Variants in FANCB observed in about 807,000 individuals in gnomAD.
FANCB encodes the protein FA complementation group B, also known as Fanconi anemia group B protein.
A neutral mutation model predicts 38.9 loss-of-function variants in FANCB; 5 were observed. The observed-to-expected ratio is 0.13, with a 90% confidence interval of 0.07 to 0.27. The LOEUF (loss-of-function observed/expected upper bound fraction) is 0.27. Among genes scored for constraint, FANCB ranks in the 10% least tolerant of loss-of-function variants. The pLI is 1.00. For missense variants in FANCB, 573 were observed against 602.7 expected (o/e 0.95, Z 0.52); for synonymous variants, 236 against 215.4 (o/e 1.10, Z -0.84).
chrX:14,701,387 T>C, the FANCB span, among the ~76,000 whole-genome samples: 2 of 110,938 alleles, frequency 1.8e-5, no homozygotes, highest in Non-Finnish European at 3.8e-5. Context: ...AACCCCTGGT[T>C]CAAAAACAAT....
the FANCB span, among the ~76,000 whole-genome samples, chrX:14,705,596 A>T: frequency 1.2e-4 from 13 of 112,482 alleles, no homozygotes; most frequent in Non-Finnish European, 1.9e-5. Flanking sequence ...TTATGAATAA[A>T]GATGTCACTC....
the FANCB span, among the ~76,000 whole-genome samples, chrX:14,741,508 C>T: frequency 9.0e-6 from 1 of 111,430 alleles, no homozygotes; most frequent in South Asian, 3.8e-4. Flanking sequence ...GAATAAATCG[C>T]CCCAGCTAGT....
the FANCB span, among the ~76,000 whole-genome samples, chrX:14,762,778 C>A: frequency 1.8e-5 from 2 of 112,576 alleles, no homozygotes; most frequent in African/African-American, 6.4e-5. Context: ...AAGATCAAAT[C>A]TTTTTGTGGT....
At chrX:14,725,948 T>C in the FANCB span, among the ~76,000 whole-genome samples, 1 of 112,434 alleles carries the variant, frequency 8.9e-6, no homozygotes, top group Non-Finnish European at 1.9e-5. Flanking sequence ...ATTTAACTAA[T>C]CAGTGAATAA....
the FANCB span, among the ~76,000 whole-genome samples, chrX:14,714,167 G>T: frequency 2.7e-5 from 3 of 110,062 alleles, no homozygotes; most frequent in Admixed American, 3.0e-4. Context: ...TAGGTGTAGG[G>T]GAGGCTAGAA....
the FANCB span, among the ~76,000 whole-genome samples, chrX:14,714,322 A>G: frequency 9.0e-6 from 1 of 111,179 alleles, no homozygotes. Context: ...ACTGGCATCT[A>G]GTGGGTAAAG....
At chrX:14,858,294 C>T (rs1182354930) in intron 4 of FANCB, among the ~76,000 whole-genome samples, 2 of 109,700 alleles carry the variant, frequency 1.8e-5, no homozygotes, top group African/African-American at 3.3e-5. Context: ...ACTTGGGAGG[C>T]TGAGGCAGGA....
chrX:14,811,080 A>G, the FANCB span, among the ~76,000 whole-genome samples: 3 of 111,015 alleles, frequency 2.7e-5, no homozygotes, highest in Non-Finnish European at 5.7e-5. Context: ...TTCATAAGTG[A>G]AGGAGAAATA....
rs2092463459 is a variant in FANCB, at chrX:14,865,074, T to C, written c.437A>G (p.His146Arg). The C allele has an allele frequency of 3.3e-6, 4 of 1,208,687 alleles. No individual in the cohort carries two copies. The highest frequency in any genetic ancestry group is 4.5e-6 in the Non-Finnish European group (4 of 894,626). ...VLNGPLILWR[H>R]VKAFFFISSQ... ...AGAGATAAAGAAGAATGCTTTGACA[T>C]GCCTCCATAAAATTAAAGGGCCATT... The change falls in exon 3 of 10, where the codon CAT becomes CGT. Residue 146 changes from histidine to arginine, a missense_variant. Physicochemically the swap from His to Arg is conservative, Grantham distance 29 (BLOSUM62 0). Coordinates refer to ENST00000650831, the MANE Select transcript of FANCB (RefSeq NM_001018113.3).
At chrX:14,826,201 C>T in the FANCB span, among the ~76,000 whole-genome samples, 7,711 of 111,444 alleles carry the variant, frequency 0.069, 602 homozygotes, top group African/African-American at 0.22. Context: ...AAGATGAAAA[C>T]TGTTTGTGCA....
the FANCB span, among the ~76,000 whole-genome samples, chrX:14,796,278 C>G: frequency 1.2e-4 from 13 of 108,731 alleles, no homozygotes; most frequent in South Asian, 5.0e-3. Context: ...CATCTGAAGG[C>G]TTGACTGGGG....
chrX:14,845,641 T>C (rs952544695), intron 7 of FANCB, among the ~76,000 whole-genome samples: 26 of 111,782 alleles, frequency 2.3e-4, no homozygotes, highest in Non-Finnish European at 9.4e-5. Flanking sequence ...GGATTTTATC[T>C]TTCAGGTTGG....
the FANCB span, among the ~76,000 whole-genome samples, chrX:14,722,634 A>G: frequency 7.2e-5 from 8 of 111,671 alleles, no homozygotes; most frequent in Admixed American, 3.8e-4. Flanking sequence ...TGGCAAACAC[A>G]ATATAATACA....
chrX:14,797,692 AG>A, the FANCB span, among the ~76,000 whole-genome samples: 11 of 87,098 alleles, frequency 1.3e-4, no homozygotes, highest in African/African-American at 5.4e-4. Context: ...AAAAAAAAAA[AG>A]AGAGAGAGAG....
the FANCB span, among the ~76,000 whole-genome samples, chrX:14,764,454 A>T: frequency 5.4e-5 from 6 of 111,764 alleles, no homozygotes; most frequent in Non-Finnish European, 1.9e-5. Flanking sequence ...AGAATTAATT[A>T]TGAAAATGAC....
the FANCB span, among the ~76,000 whole-genome samples, chrX:14,747,826 T>C: frequency 2.5e-4 from 28 of 112,419 alleles, no homozygotes; most frequent in Admixed American, 2.4e-3. Flanking sequence ...GACATTTTAA[T>C]GTGTTTTAGT....
At chrX:14,793,553 A>G in the FANCB span, among the ~76,000 whole-genome samples, 1 of 112,353 alleles carries the variant, frequency 8.9e-6, no homozygotes, top group Admixed American at 9.4e-5. Flanking sequence ...AGCTGTTACG[A>G]AAAAAAGATC....
the FANCB span, among the ~76,000 whole-genome samples, chrX:14,784,550 T>C: frequency 6.2e-5 from 7 of 112,311 alleles, no homozygotes; most frequent in Non-Finnish European, 9.4e-5. Context: ...ATAGGAACAC[T>C]TTTACACTGT....
rs1295003944 is a variant in FANCB at position 14,850,675 on chromosome X, C to T, written c.1327-1G>A. ...CACAAAGAGGAACAAGACATTCCTT[C>T]TAAAAAAAAAAGTTTAAATAACTGA... On this transcript the variant is annotated splice_acceptor_variant, in intron 6 of 9. Transcript: ENST00000650831. LOFTEE classifies it high-confidence loss of function. 2.7e-6 allele frequency: 3 copies of T among 1,098,873 alleles called. No homozygotes were observed. Among genetic ancestry groups the T allele is most frequent in the Non-Finnish European group, 3.7e-6 (3 of 806,232 alleles). The allele number at this position is 1,098,873 out of a possible 1,213,427, so 90.6% of individuals were successfully genotyped here.
Sources: gnomAD v4.1 joint callset for allele counts (sites outside exome capture counted in the v4.1 genomes callset) on GRCh38, gnomAD v4.1.1 for gene constraint, MANE v1.5 for transcripts, NCBI Gene and HGNC (gene_info 2026-07-23, HGNC 2026-07-21) for gene names.